The following QKI variants were observed in gnomAD, a reference collection of about 807,000 sequenced individuals.
QKI encodes the protein KH domain-containing RNA-binding protein QKI.
A neutral mutation model predicts 39.0 loss-of-function variants in QKI; 10 were observed. That is an observed-to-expected ratio of 0.26 (90% confidence interval 0.16 to 0.43). The LOEUF (loss-of-function observed/expected upper bound fraction) is 0.43. QKI is among the 20% of genes least tolerant of loss of function. QKI has a pLI of 1.00. For synonymous variants in QKI, 204 were observed against 155.4 expected (o/e 1.31, Z -2.33); for missense variants, 218 against 428.0 (o/e 0.51, Z 4.33).
intron 1 of QKI, among the ~76,000 whole-genome samples, chr6:163,431,923 C>G (rs1005005927): frequency 8.6e-5 from 13 of 150,454 alleles, no homozygotes; most frequent in African/African-American, 3.2e-4. Context: ...TATGTAAATG[C>G]TGTTCCTTTA....
chr6:163,567,746 TTC>T, intron 7 of QKI: 1 of 984,780 alleles, frequency 1.0e-6, no homozygotes, highest in Non-Finnish European at 1.2e-6. Flanking sequence ...TTTTACAAGT[TTC>T]TATTATGGCA....
At chr6:163,418,308 A>G (rs1340794834) in intron 1 of QKI, among the ~76,000 whole-genome samples, 1 of 152,150 alleles carries the variant, frequency 6.6e-6, no homozygotes, top group East Asian at 1.9e-4. Flanking sequence ...TATGCTTGTC[A>G]GCCTAAGAAT....
chr6:163,422,293 A>G (rs940003974), intron 1 of QKI, among the ~76,000 whole-genome samples: 1 of 152,210 alleles, frequency 6.6e-6, no homozygotes, highest in African/African-American at 2.4e-5. Flanking sequence ...AAGTTGCTTC[A>G]TGTATTAGTC....
chr6:163,503,909 T>G (rs551419354), intron 3 of QKI, among the ~76,000 whole-genome samples: 1 of 151,936 alleles, frequency 6.6e-6, no homozygotes, highest in East Asian at 1.9e-4. Context: ...CGGGCTAATT[T>G]TTTTTTGTAT....
chr6:163,499,058 C>G (rs1260853710), intron 3 of QKI, among the ~76,000 whole-genome samples: 7 of 152,070 alleles, frequency 4.6e-5, no homozygotes, highest in Non-Finnish European at 1.5e-5. Flanking sequence ...TATCAAAGGG[C>G]AAGGGTGTCG....
chr6:163,565,704 TA>T, intron 6 of QKI: 1 of 1,178,804 alleles, frequency 8.5e-7, no homozygotes, highest in Admixed American at 3.9e-5. Context: ...ACCTAAGCAG[TA>T]AAACATGATA....
intron 1 of QKI, among the ~76,000 whole-genome samples, chr6:163,418,599 A>G (rs1317806357): frequency 3.9e-5 from 6 of 152,152 alleles, no homozygotes; most frequent in African/African-American, 1.4e-4. Context: ...GGCCCATCAT[A>G]AAATATAAAG....
intron 2 of QKI, among the ~76,000 whole-genome samples, chr6:163,457,783 G>A (rs1791033452): frequency 6.6e-6 from 1 of 151,996 alleles, no homozygotes; most frequent in East Asian, 1.9e-4. Context: ...CTGGTCTTGT[G>A]GAGTGGACAT....
At chr6:163,464,645 A>G (rs1791594393) in intron 2 of QKI, among the ~76,000 whole-genome samples, 1 of 152,214 alleles carries the variant, frequency 6.6e-6, no homozygotes, top group East Asian at 1.9e-4. Flanking sequence ...ATGAAGGAAC[A>G]GAAAGTCTGA....
intron 3 of QKI, among the ~76,000 whole-genome samples, chr6:163,502,413 A>T (rs1024582506): frequency 6.6e-6 from 1 of 152,174 alleles, no homozygotes; most frequent in Admixed American, 6.5e-5. Context: ...CTTGTAGACT[A>T]GTTAAAGCTT....
chr6:163,500,570 G>T (rs940219612), intron 3 of QKI, among the ~76,000 whole-genome samples: 1 of 152,106 alleles, frequency 6.6e-6, no homozygotes, highest in Non-Finnish European at 1.5e-5. Context: ...TTTCCTCAAT[G>T]AAATGTGGAC....
chr6:163,458,011 A>G (rs963421931), intron 2 of QKI, among the ~76,000 whole-genome samples: 2 of 152,226 alleles, frequency 1.3e-5, no homozygotes, highest in Non-Finnish European at 2.9e-5. Context: ...CTGGGAGAAA[A>G]ACATTCTAGG....
At chr6:163,474,658 T>A (rs1792450134) in intron 2 of QKI, among the ~76,000 whole-genome samples, 1 of 151,896 alleles carries the variant, frequency 6.6e-6, no homozygotes, top group Admixed American at 6.6e-5. Flanking sequence ...ACATGGTGTC[T>A]CCAGCCTGTA....
At chr6:163,523,280 T>C (rs116054644) in intron 3 of QKI, among the ~76,000 whole-genome samples, 1,826 of 152,328 alleles carry the variant, frequency 0.012, 39 homozygotes, top group African/African-American at 0.042. Context: ...GGTATTTATT[T>C]TCCCTAACTA....
intron 6 of QKI, chr6:163,566,479 G>A (rs1000442347): frequency 1.5e-6 from 2 of 1,333,030 alleles, no homozygotes; most frequent in African/African-American, 3.0e-5. Context: ...GTAACTTGGG[G>A]ATTGTAAATG....
intron 3 of QKI, among the ~76,000 whole-genome samples, chr6:163,502,159 C>CA (rs1470488199): frequency 6.6e-6 from 1 of 151,842 alleles, no homozygotes; most frequent in Non-Finnish European, 1.5e-5. Flanking sequence ...CCCATCTCTA[C>CA]AAAAAATACA....
chr6:163,443,588 T>A (rs1789919770), intron 1 of QKI, among the ~76,000 whole-genome samples: 1 of 150,662 alleles, frequency 6.6e-6, no homozygotes, highest in Admixed American at 6.6e-5. Context: ...CAACAACAAC[T>A]CCTCTTGGCT....
chr6:163,554,336 C>T (rs532682243), intron 4 of QKI, among the ~76,000 whole-genome samples: 1 of 152,278 alleles, frequency 6.6e-6, no homozygotes, highest in East Asian at 1.9e-4. Flanking sequence ...CCACACTATG[C>T]CTCAGTTCTG....
chr6:163,452,796 C>T (rs1262199076), intron 1 of QKI, among the ~76,000 whole-genome samples: 2 of 152,098 alleles, frequency 1.3e-5, no homozygotes, highest in Non-Finnish European at 2.9e-5. Context: ...GGCACCATCT[C>T]GGCTCACTGA....
Sources: gnomAD v4.1 joint callset for allele counts (sites outside exome capture counted in the v4.1 genomes callset) on GRCh38, gnomAD v4.1.1 for gene constraint, MANE v1.5 for transcripts, NCBI Gene and HGNC (gene_info 2026-07-23, HGNC 2026-07-21) for gene names.